The following LIMCH1 variants were observed in gnomAD, a reference collection of about 807,000 sequenced individuals.
The protein encoded by LIMCH1 is LIM and calponin homology domains 1.
In LIMCH1, 113 loss-of-function variants were observed where a neutral mutation model predicts 176.5. The observed-to-expected ratio is 0.64, with a 90% CI of 0.55 to 0.75. The LOEUF (loss-of-function observed/expected upper bound fraction) is 0.75, where lower values mean the gene tolerates loss of function less well. Ranked by LOEUF, LIMCH1 falls within the 30% of genes least tolerant of loss-of-function variation. The pLI is 0.00. For synonymous variants in LIMCH1, 619 were observed against 645.9 expected, an observed-to-expected ratio of 0.96 and a Z score of 0.63; for missense variants, 1,674 against 1,814.9, an observed-to-expected ratio of 0.92 and a Z score of 1.41.
At chr4:41,361,973 A>C (rs2154090693) in intron 1 of LIMCH1, among the ~76,000 whole-genome samples, 2 of 152,272 alleles carry the variant, frequency 1.3e-5, no homozygotes, top group Non-Finnish European at 2.9e-5. Flanking sequence ...GTATCGCTAA[A>C]TCATGACCCA....
intron 1 of LIMCH1, among the ~76,000 whole-genome samples, chr4:41,439,922 A>G (rs1445720909): frequency 6.6e-6 from 1 of 152,120 alleles, no homozygotes; most frequent in Non-Finnish European, 1.5e-5. Flanking sequence ...GAAAAAACAA[A>G]AAGGAGGAGG....
At chr4:41,404,390 T>C (rs2058752448) in intron 1 of LIMCH1, among the ~76,000 whole-genome samples, 1 of 152,098 alleles carries the variant, frequency 6.6e-6, no homozygotes. Flanking sequence ...TAACTTTTCT[T>C]GAGAAAGAGT....
At chr4:41,612,786 C>A in intron 4 of LIMCH1, 2 of 875,282 alleles carry the variant, frequency 2.3e-6, no homozygotes. Flanking sequence ...TGGCTGAGAG[C>A]GAGAGCATGC....
intron 1 of LIMCH1, among the ~76,000 whole-genome samples, chr4:41,415,434 A>G (rs930500627): frequency 6.6e-6 from 1 of 152,004 alleles, no homozygotes; most frequent in East Asian, 1.9e-4. Flanking sequence ...GAGAAATTTT[A>G]TGGCAATAAT....
At chr4:41,598,197 C>G (rs2089273210) in intron 1 of LIMCH1, among the ~76,000 whole-genome samples, 1 of 152,192 alleles carries the variant, frequency 6.6e-6, no homozygotes, top group Non-Finnish European at 1.5e-5. Flanking sequence ...CAATCCCTTT[C>G]AGAAGCATTT....
chr4:41,491,575 G>A (rs144839680), intron 1 of LIMCH1, among the ~76,000 whole-genome samples: 535 of 150,572 alleles, frequency 3.6e-3, no homozygotes, highest in African/African-American at 7.2e-3. Context: ...CCCAGACGAT[G>A]AGCGGTCAGG....
chr4:41,535,523 T>A (rs1194438799), upstream of LIMCH1, among the ~76,000 whole-genome samples: 1 of 152,190 alleles, frequency 6.6e-6, no homozygotes, highest in Non-Finnish European at 1.5e-5. Context: ...TATTTTGCCT[T>A]TTTATAAGGA....
intron 1 of LIMCH1, among the ~76,000 whole-genome samples, chr4:41,594,116 A>G (rs2088226746): frequency 6.6e-6 from 1 of 152,210 alleles, no homozygotes; most frequent in Non-Finnish European, 1.5e-5. Context: ...AAAAATTAAC[A>G]TTCATTGAGT....
chr4:41,522,826 C>A lies in LIMCH1; in HGVS notation c.168-1583C>A, dbSNP rs1328824191. ...AAAATGAGAAGAGTGAATAAATTGCCTTCCAACTGGTAAAACCAATAAGTC... is the reference window on the plus strand; with the variant it reads ...AAAATGAGAAGAGTGAATAAATTGCATTCCAACTGGTAAAACCAATAAGTC... On this transcript the variant is annotated intron_variant, in intron 2 of 26. Transcript: ENST00000313860. Among the ~76,000 whole-genome samples the A allele has an allele frequency of 2.0e-5, 3 of 152,112 alleles. No homozygotes were observed. The East Asian group carries it at 5.8e-4, about 29-fold the overall frequency.
At chr4:41,570,354 C>T (rs2083374351) in intron 1 of LIMCH1, among the ~76,000 whole-genome samples, 1 of 152,232 alleles carries the variant, frequency 6.6e-6, no homozygotes, top group African/African-American at 2.4e-5. Context: ...TGTGGCCTCA[C>T]TTCCACTTAA....
At chr4:41,523,043 T>C (rs1025546105) in intron 2 of LIMCH1, among the ~76,000 whole-genome samples, 2 of 152,096 alleles carry the variant, frequency 1.3e-5, no homozygotes, top group Non-Finnish European at 2.9e-5. Context: ...TAATCTTGCA[T>C]GCAAAAATGG....
chr4:41,508,124 T>C (rs2154182616), intron 2 of LIMCH1, among the ~76,000 whole-genome samples: 1 of 152,048 alleles, frequency 6.6e-6, no homozygotes, highest in Admixed American at 6.5e-5. Flanking sequence ...GGCCAAAAGG[T>C]AGAAAACCAG....
chr4:41,454,718 G>A (rs1431172774), intron 1 of LIMCH1, among the ~76,000 whole-genome samples: 1 of 152,134 alleles, frequency 6.6e-6, no homozygotes, highest in African/African-American at 2.4e-5. Context: ...TGCAGGGCAC[G>A]TCAACATTCA....
chr4:41,522,916 A>T (rs1364312756), intron 2 of LIMCH1, among the ~76,000 whole-genome samples: 1 of 152,244 alleles, frequency 6.6e-6, no homozygotes, highest in Non-Finnish European at 1.5e-5. Flanking sequence ...AAGTGCATTC[A>T]TGAAAAGAGC....
intron 29 of LIMCH1, among the ~76,000 whole-genome samples, 164 bp downstream of exon 29, chr4:41,688,081 A>G (rs1022612857): frequency 1.3e-5 from 2 of 152,242 alleles, no homozygotes; most frequent in East Asian, 3.8e-4. Flanking sequence ...AACATTGTCC[A>G]TCTGCCTGCA....
Position 41,538,178 on chromosome 4 carries a change from T to G in LIMCH1, c.-413T>G. 1 of 985,620 alleles carries G rather than the reference T, an allele frequency of 1.0e-6. No individual in the cohort carries two copies. The highest frequency in any genetic ancestry group is 1.2e-6 in the Non-Finnish European group (1 of 830,028). The allele number at this position is 985,620 out of a possible 1,614,324, so 61.1% of individuals were successfully genotyped here. ...CATCAGCATTTCAGCCGCAGCAGCCTGCTTGTGGACAGAGCAGGGGTTGGC... is the reference window on the plus strand; with the variant it reads ...CATCAGCATTTCAGCCGCAGCAGCCGGCTTGTGGACAGAGCAGGGGTTGGC... On this transcript the variant is annotated 5_prime_UTR_variant, in exon 1 of 32. Transcript: ENST00000503057.
chr4:41,670,138 A>C (rs931459640), intron 21 of LIMCH1, among the ~76,000 whole-genome samples: 1 of 152,234 alleles, frequency 6.6e-6, no homozygotes, highest in Non-Finnish European at 1.5e-5. Context: ...TGTTTCAGTA[A>C]AATATGTGCG....
intron 31 of LIMCH1, 123 bp downstream of exon 31, chr4:41,692,507 C>G: frequency 8.0e-6 from 5 of 628,130 alleles, no homozygotes; most frequent in Middle Eastern, 2.7e-4. Flanking sequence ...AGAAAGGTTT[C>G]TTAACATCTA....
intron 1 of LIMCH1, among the ~76,000 whole-genome samples, chr4:41,411,237 A>T (rs1423728714): frequency 2.0e-5 from 3 of 152,240 alleles, no homozygotes; most frequent in African/African-American, 7.2e-5. Context: ...TTGGGATAAT[A>T]GAGAGATGAG....
Sources: gnomAD v4.1 joint callset for allele counts (sites outside exome capture counted in the v4.1 genomes callset) on GRCh38, gnomAD v4.1.1 for gene constraint, MANE v1.5 for transcripts, NCBI Gene and HGNC (gene_info 2026-07-23, HGNC 2026-07-21) for gene names.